ZMYM4: variants seen among roughly 807,000 people sequenced by gnomAD.
ZMYM4 encodes zinc finger MYM-type containing 4, also known as zinc finger MYM-type protein 4.
A neutral mutation model predicts 183.2 loss-of-function variants in ZMYM4; 31 were observed. The observed-to-expected ratio is 0.17, with a 90% CI of 0.13 to 0.23. ZMYM4 has a LOEUF of 0.23. ZMYM4 is among the 10% of genes least tolerant of loss of function. ZMYM4 has a pLI of 1.00. For missense variants in ZMYM4, 1,273 were observed against 1,840.3 expected (o/e 0.69, Z 5.64); for synonymous variants, 592 against 631.2 (o/e 0.94, Z 0.93).
chr1:35,406,493 C>T (rs547996164), intron 25 of ZMYM4, among the ~76,000 whole-genome samples: 1 of 152,174 alleles, frequency 6.6e-6, no homozygotes, highest in East Asian at 1.9e-4. Context: ...TGCACTCCAG[C>T]CTGAGCATCA....
At chr1:35,289,171 A>G (rs1464473654) in intron 1 of ZMYM4, among the ~76,000 whole-genome samples, 1 of 152,188 alleles carries the variant, frequency 6.6e-6, no homozygotes, top group Non-Finnish European at 1.5e-5. Flanking sequence ...TAATTCTCTG[A>G]GCATGTTGGT....
At chr1:35,393,516 C>T (rs2148995998) in intron 17 of ZMYM4, 79 bp from the exon 18 acceptor site, 6 of 1,303,358 alleles carry the variant, frequency 4.6e-6, no homozygotes, top group South Asian at 3.6e-5. Context: ...ATGACATTTC[C>T]TTTAATATTA....
chr1:35,290,638 C>G (rs1404539409), intron 1 of ZMYM4, among the ~76,000 whole-genome samples: 1 of 152,022 alleles, frequency 6.6e-6, no homozygotes, highest in African/African-American at 2.4e-5. Flanking sequence ...CTATGTTGCC[C>G]AGGCTGGTCT....
chr1:35,385,358 A>G (rs1261417116), intron 9 of ZMYM4, 84 bp from the exon 10 acceptor site: 12 of 1,374,270 alleles, frequency 8.7e-6, no homozygotes, highest in African/African-American at 3.0e-5. Flanking sequence ...AAATATTTCA[A>G]AAGTGTTGAG....
rs986344878 is a variant in ZMYM4 at position 35,378,157 on chromosome 1, C to G, written c.1182-3102C>G. Among the ~76,000 whole-genome samples, 6 of 152,194 alleles carry G rather than the reference C, an allele frequency of 3.9e-5. No homozygotes were observed. In the East Asian group the frequency reaches 1.2e-3, roughly 29 times the overall value. On this transcript the variant is annotated intron_variant, in intron 7 of 29. Transcript: ENST00000314607. Reference sequence around the variant, plus strand: ...TCTGTCGCATCTTCAGGCTCCACTTCTAGTTCTCTTACTATTTCTCCCACA... The same window carrying G: ...TCTGTCGCATCTTCAGGCTCCACTTGTAGTTCTCTTACTATTTCTCCCACA...
Position 35,383,652 on chromosome 1 carries a change from G to A in ZMYM4, c.1570-1790G>A, listed in dbSNP as rs114918498. ...AGGTACTAAAAGTTACCTGGATTCA[G>A]TCCATTGAAAGATGAGTGATAGTCC... On this transcript the variant is annotated intron_variant, in intron 9 of 29. Coordinates refer to ENST00000314607, the MANE Select transcript of ZMYM4 (RefSeq NM_005095.3). Among the ~76,000 whole-genome samples, 368 of 152,214 alleles carry A rather than the reference G, an allele frequency of 2.4e-3. 2 individuals carry two copies. The highest frequency in any genetic ancestry group is 7.8e-3 in the African/African-American group (326 of 41,546).
At chr1:35,343,264 A>G (rs991000212) in intron 2 of ZMYM4, among the ~76,000 whole-genome samples, 37 of 152,318 alleles carry the variant, frequency 2.4e-4, no homozygotes, top group African/African-American at 7.5e-4. Context: ...TCATAAGATC[A>G]TGAAAATTTG....
chr1:35,392,403 T>TG (rs1644726762), intron 16 of ZMYM4, 51 bp downstream of exon 16: 1 of 1,577,260 alleles, frequency 6.3e-7, no homozygotes, highest in Non-Finnish European at 8.6e-7. Flanking sequence ...TTGAATGCAG[T>TG]GGTCCCCTAA....
intron 1 of ZMYM4, among the ~76,000 whole-genome samples, chr1:35,281,001 C>A (rs1371089674): frequency 1.3e-5 from 2 of 152,052 alleles, no homozygotes; most frequent in Non-Finnish European, 2.9e-5. Flanking sequence ...TAAAAAATCA[C>A]AGGTCGGGTG....
intron 2 of ZMYM4, among the ~76,000 whole-genome samples, chr1:35,346,638 G>C (rs970079494): frequency 2.6e-5 from 3 of 113,970 alleles, no homozygotes; most frequent in Admixed American, 2.2e-4. Context: ...GTCACAAAGT[G>C]AGACTCCATC....
chr1:35,337,131 G>T (rs959022335), intron 2 of ZMYM4, among the ~76,000 whole-genome samples: 3 of 152,076 alleles, frequency 2.0e-5, no homozygotes, highest in African/African-American at 7.2e-5. Flanking sequence ...AGCTGAGATG[G>T]GCAGATCACT....
chr1:35,367,115 AG>A (rs772053955), intron 5 of ZMYM4, among the ~76,000 whole-genome samples: 2 of 152,206 alleles, frequency 1.3e-5, no homozygotes, highest in Non-Finnish European at 2.9e-5. Flanking sequence ...GAAGAATAAT[AG>A]GCATGCACAT....
chr1:35,373,163 A>T (rs1644251507), intron 7 of ZMYM4, among the ~76,000 whole-genome samples: 1 of 151,926 alleles, frequency 6.6e-6, no homozygotes, highest in South Asian at 2.1e-4. Context: ...TATCTCAAAA[A>T]AAAAGAAAGA....
At chr1:35,415,344 A>G in intron 27 of ZMYM4, 122 bp from the exon 28 acceptor site, 1 of 1,336,316 alleles carries the variant, frequency 7.5e-7, no homozygotes, top group Non-Finnish European at 1.0e-6. Flanking sequence ...TGCATAAGGA[A>G]GAGGGGAAAG....
At chr1:35,290,383 T>C (rs1570265724) in intron 1 of ZMYM4, among the ~76,000 whole-genome samples, 1 of 152,230 alleles carries the variant, frequency 6.6e-6, no homozygotes, top group African/African-American at 2.4e-5. Flanking sequence ...GTATGTGTTT[T>C]TACATGGTTA....
chr1:35,282,744 T>A (rs914203178), intron 1 of ZMYM4, among the ~76,000 whole-genome samples: 24 of 152,084 alleles, frequency 1.6e-4, no homozygotes, highest in African/African-American at 5.8e-4. Flanking sequence ...CTTATAGAGA[T>A]GGGGTTTGGC....
At chr1:35,331,957 T>G (rs1642773003) in intron 2 of ZMYM4, among the ~76,000 whole-genome samples, 1 of 151,934 alleles carries the variant, frequency 6.6e-6, no homozygotes, top group Non-Finnish European at 1.5e-5. Context: ...TGTTTGAATA[T>G]AAGATGATTC....
chr1:35,391,976 G>T (rs1472574653), intron 15 of ZMYM4, among the ~76,000 whole-genome samples: 2 of 152,140 alleles, frequency 1.3e-5, no homozygotes, highest in African/African-American at 4.8e-5. Flanking sequence ...GGGAGGTGGA[G>T]GTCGCTGTGA....
At chr1:35,414,117 ATGC>A in intron 27 of ZMYM4, 34 bp downstream of exon 27, 1 of 1,259,060 alleles carries the variant, frequency 7.9e-7, no homozygotes, top group Non-Finnish European at 1.1e-6. Flanking sequence ...TTTTCATGAT[ATGC>A]TTTCTTAAAT....
Sources: allele counts gnomAD v4.1 joint callset (sites outside exome capture counted in the v4.1 genomes callset), GRCh38; gene constraint gnomAD v4.1.1; transcripts MANE v1.5; gene names NCBI Gene and HGNC (gene_info 2026-07-23, HGNC 2026-07-21).